ROR2: variants seen among roughly 807,000 people sequenced by gnomAD.
ROR2 encodes the protein tyrosine-protein kinase transmembrane receptor ROR2.
In ROR2, 33 loss-of-function variants were observed where a neutral mutation model predicts 74.9. The observed-to-expected ratio is 0.44, with a 90% CI of 0.33 to 0.59. ROR2 has a LOEUF of 0.59. Among genes scored for constraint, ROR2 ranks in the 20% least tolerant of loss-of-function variants. ROR2 has a pLI of 0.02. For synonymous variants in ROR2, 586 were observed against 558.7 expected (o/e 1.05, Z -0.69); for missense variants, 1,216 against 1,313.8 (o/e 0.93, Z 1.15).
chr9:91,772,618 T>C (rs1826269533), intron 2 of ROR2, among the ~76,000 whole-genome samples: 1 of 152,222 alleles, frequency 6.6e-6, no homozygotes, highest in Admixed American at 6.5e-5. Flanking sequence ...CATGCATGTA[T>C]GTACAGATGT....
At chr9:91,863,349 A>G (rs761633431) in intron 1 of ROR2, among the ~76,000 whole-genome samples, 1 of 152,104 alleles carries the variant, frequency 6.6e-6, no homozygotes, top group Non-Finnish European at 1.5e-5. Flanking sequence ...TGCCTATTCC[A>G]CTCATAGGTA....
chr9:91,879,000 C>A (rs1158828291), intron 1 of ROR2, among the ~76,000 whole-genome samples: 2 of 151,962 alleles, frequency 1.3e-5, no homozygotes, highest in African/African-American at 4.8e-5. Context: ...CGAGATCGCG[C>A]CACTGCACTC....
intron 4 of ROR2, among the ~76,000 whole-genome samples, chr9:91,750,626 T>C (rs1344388433): frequency 6.6e-6 from 1 of 152,144 alleles, no homozygotes; most frequent in Non-Finnish European, 1.5e-5. Context: ...AGAAAGGATA[T>C]GTGCTCACAG....
chr9:91,846,527 G>A (rs1183089773), intron 1 of ROR2, among the ~76,000 whole-genome samples: 1 of 152,154 alleles, frequency 6.6e-6, no homozygotes, highest in African/African-American at 2.4e-5. Flanking sequence ...AAGCCGCCCA[G>A]TCTCGGTGCT....
At chr9:91,800,761 G>A (rs149283259) in intron 1 of ROR2, among the ~76,000 whole-genome samples, 7 of 152,322 alleles carry the variant, frequency 4.6e-5, no homozygotes, top group South Asian at 2.1e-4. Flanking sequence ...GTGTAGTTAC[G>A]AGGCCACAGT....
intron 1 of ROR2, among the ~76,000 whole-genome samples, chr9:91,800,085 T>C (rs1256930597): frequency 6.6e-6 from 1 of 152,216 alleles, no homozygotes; most frequent in Non-Finnish European, 1.5e-5. Context: ...CTCATGCCTG[T>C]AATCCCAGCA....
chr9:91,854,492 A>C (rs576947882), intron 1 of ROR2, among the ~76,000 whole-genome samples: 4 of 152,352 alleles, frequency 2.6e-5, no homozygotes, highest in African/African-American at 9.6e-5. Flanking sequence ...CAGAGTTGTC[A>C]CTGCAAGGTA....
At chr9:91,827,472 G>A (rs1245618798) in intron 1 of ROR2, among the ~76,000 whole-genome samples, 1 of 152,098 alleles carries the variant, frequency 6.6e-6, no homozygotes, top group African/African-American at 2.4e-5. Flanking sequence ...GTATTTTCCT[G>A]CTTCTGAACA....
At chr9:91,820,655 T>A (rs933545300) in intron 1 of ROR2, among the ~76,000 whole-genome samples, 1 of 152,194 alleles carries the variant, frequency 6.6e-6, no homozygotes, top group African/African-American at 2.4e-5. Flanking sequence ...TCGATGGGTG[T>A]GTTATGGGTT....
chr9:91,799,715 A>G (rs984682965), intron 1 of ROR2, among the ~76,000 whole-genome samples: 44 of 152,348 alleles, frequency 2.9e-4, no homozygotes, highest in Admixed American at 2.9e-3. Context: ...TTCCTGACAC[A>G]CAAGTCCATA....
intron 1 of ROR2, among the ~76,000 whole-genome samples, chr9:91,922,742 C>T (rs957703212): frequency 2.6e-5 from 4 of 152,114 alleles, no homozygotes; most frequent in African/African-American, 9.7e-5. Context: ...CAGGAGCCAC[C>T]GCGCCCGACC....
At chr9:91,740,734 A>G (rs980308954) in intron 4 of ROR2, among the ~76,000 whole-genome samples, 2 of 152,034 alleles carry the variant, frequency 1.3e-5, no homozygotes, top group Admixed American at 6.6e-5. Context: ...GGGGCCTTGG[A>G]AGAGGAACAG....
At chr9:91,827,676 A>G (rs1045242106) in intron 1 of ROR2, among the ~76,000 whole-genome samples, 2 of 152,214 alleles carry the variant, frequency 1.3e-5, no homozygotes, top group African/African-American at 2.4e-5. Context: ...TGTACAGATC[A>G]GTCCAATGTA....
intron 1 of ROR2, among the ~76,000 whole-genome samples, chr9:91,929,445 A>G (rs1831495024): frequency 6.6e-6 from 1 of 152,240 alleles, no homozygotes; most frequent in Non-Finnish European, 1.5e-5. Flanking sequence ...AGACAAGTGC[A>G]TCAAGGTGTA....
rs535000944 is a variant in ROR2, at chr9:91,791,957, C to T, written c.98-16139G>A. Among the ~76,000 whole-genome samples, 560 of 152,164 alleles carry T rather than the reference C, an allele frequency of 3.7e-3. 1 individual carries two copies. The highest frequency in any genetic ancestry group is 0.013 in the African/African-American group (540 of 41,520). ...TCAGCAGAAGAAAATTTAGGAAATT[C>T]ACAAATATACGAAAACTAAACAAAA... On this transcript the variant is annotated intron_variant, in intron 1 of 8. Transcript: ENST00000375708.
intron 1 of ROR2, among the ~76,000 whole-genome samples, chr9:91,836,361 G>A (rs1828609883): frequency 6.6e-6 from 1 of 152,014 alleles, no homozygotes; most frequent in African/African-American, 2.4e-5. Flanking sequence ...CCAACATGGT[G>A]AAACCCCCTT....
At chr9:91,804,892 C>A (rs145763219) in intron 1 of ROR2, among the ~76,000 whole-genome samples, 3 of 152,148 alleles carry the variant, frequency 2.0e-5, no homozygotes, top group African/African-American at 4.8e-5. Context: ...TGACTGCACA[C>A]CCACCCCCTA....
At chr9:91,812,570 CCACA>C (rs1275202760) in intron 1 of ROR2, among the ~76,000 whole-genome samples, 1 of 147,686 alleles carries the variant, frequency 6.8e-6, no homozygotes, top group Non-Finnish European at 1.5e-5. Flanking sequence ...CCCACCCCCC[CCACA>C]CACACGTGTG....
Position 91,724,621 on chromosome 9 carries a change from C to T in ROR2, c.1873G>A (p.Asp625Asn), listed in dbSNP as rs754476697. The part of the protein sequence containing the change: ...DLATRNVLVY[D>N]KLNVKISDLG... ...TCTGAGATCTTCACGTTCAGCTTGT[C>T]GTACACTAGCACATTGCGGGTGGCC... is the stretch of plus-strand genomic sequence containing the variant. Residue 625 changes from aspartate to asparagine, a missense_variant, in exon 9 of 9, where the codon GAC becomes AAC. Physicochemically the swap from Asp to Asn is conservative, Grantham distance 23. Coordinates refer to ENST00000375708, the MANE Select transcript of ROR2 (RefSeq NM_004560.4). 22 of 1,614,088 alleles carry T rather than the reference C, an allele frequency of 1.4e-5. No homozygotes were observed. The highest frequency in any genetic ancestry group is 6.7e-5 in the East Asian group (3 of 44,884).
Sources: gnomAD v4.1 joint callset for allele counts (sites outside exome capture counted in the v4.1 genomes callset) on GRCh38, gnomAD v4.1.1 for gene constraint, MANE v1.5 for transcripts, NCBI Gene and HGNC (gene_info 2026-07-23, HGNC 2026-07-21) for gene names.